Variants in KLF12 observed in about 807,000 individuals in gnomAD.
The protein encoded by KLF12 is KLF transcription factor 12, also known as Krueppel-like factor 12.
KLF12 carries 9 observed loss-of-function variants against 37.8 expected under a neutral mutation model. The observed-to-expected ratio is 0.24, with a 90% CI of 0.14 to 0.42. The LOEUF (loss-of-function observed/expected upper bound fraction) is 0.42, where lower values mean the gene tolerates loss of function less well. KLF12 is among the 10% of genes least tolerant of loss of function. The pLI, the probability that KLF12 is intolerant of heterozygous loss-of-function variation, is 1.00. For missense variants in KLF12, 411 were observed against 516.0 expected, an observed-to-expected ratio of 0.80 and a Z score of 1.97; for synonymous variants, 208 against 202.1, an observed-to-expected ratio of 1.03 and a Z score of -0.25.
chr13:74,005,470 G>C (rs1007734403), intron 1 of KLF12, among the ~76,000 whole-genome samples: 2 of 152,220 alleles, frequency 1.3e-5, no homozygotes, highest in African/African-American at 4.8e-5. Flanking sequence ...GCAGCGGTAT[G>C]CTGCACTTTG....
intron 4 of KLF12, among the ~76,000 whole-genome samples, chr13:73,837,992 C>T (rs747975817): frequency 1.1e-4 from 17 of 152,062 alleles, no homozygotes; most frequent in Non-Finnish European, 1.6e-4. Flanking sequence ...GTGACATGAA[C>T]GAAATCTCTA....
At chr13:74,152,886 A>ATAATAG in the KLF12 span, among the ~76,000 whole-genome samples, 7 of 1,228 alleles carry the variant, frequency 5.7e-3, no homozygotes, top group African/African-American at 6.7e-3. Flanking sequence ...CCCATTACAG[A>ATAATAG]TAATAATAAT....
intron 3 of KLF12, among the ~76,000 whole-genome samples, chr13:73,884,495 G>A (rs1020086120): frequency 2.0e-5 from 3 of 152,098 alleles, no homozygotes; most frequent in Non-Finnish European, 4.4e-5. Flanking sequence ...TGCCATCGAG[G>A]GCCCTGCTCT....
intron 6 of KLF12, among the ~76,000 whole-genome samples, chr13:73,742,317 T>G (rs1878059497): frequency 6.6e-6 from 1 of 152,202 alleles, no homozygotes; most frequent in African/African-American, 2.4e-5. Flanking sequence ...CTGAAATTAC[T>G]TCCTAGTTTT....
the KLF12 span, among the ~76,000 whole-genome samples, chr13:74,291,338 AAATGTTCTGGTCAGCATGAG>A: frequency 6.6e-6 from 1 of 152,326 alleles, no homozygotes; most frequent in Non-Finnish European, 1.5e-5. Context: ...ACATTCAAAT[AAATGTTCTGGTCAGCATGAG>A]ATGCAAGTGT....
chr13:73,770,383 T>C (rs1348057573), intron 5 of KLF12, among the ~76,000 whole-genome samples: 1 of 152,218 alleles, frequency 6.6e-6, no homozygotes, highest in Non-Finnish European at 1.5e-5. Flanking sequence ...AGGCCAGTGA[T>C]TAAATGACTA....
At chr13:74,213,165 TAC>T in the KLF12 span, among the ~76,000 whole-genome samples, 4 of 152,240 alleles carry the variant, frequency 2.6e-5, no homozygotes, top group East Asian at 3.9e-4. Context: ...GTAGTATGTA[TAC>T]ACACACACAT....
At chr13:74,137,364 T>C (rs1300157212), upstream of KLF12, among the ~76,000 whole-genome samples, 1 of 152,224 alleles carries the variant, frequency 6.6e-6, no homozygotes, top group Non-Finnish European at 1.5e-5. Context: ...CAATCCTGTT[T>C]AAAACCAAGA....
chr13:73,837,825 A>G (rs1884519940), intron 4 of KLF12, among the ~76,000 whole-genome samples: 1 of 152,212 alleles, frequency 6.6e-6, no homozygotes, highest in Non-Finnish European at 1.5e-5. Flanking sequence ...TTAAGAGTAA[A>G]CAGAATCAAT....
At chr13:74,060,261 T>C (rs113500001) in intron 1 of KLF12, among the ~76,000 whole-genome samples, 173 of 152,314 alleles carry the variant, frequency 1.1e-3, no homozygotes, top group Middle Eastern at 3.4e-3. Flanking sequence ...TGTTTTCATA[T>C]AAACTTAAGG....
chr13:73,956,686 C>T (rs1890843857), intron 2 of KLF12, among the ~76,000 whole-genome samples: 1 of 151,946 alleles, frequency 6.6e-6, no homozygotes, highest in South Asian at 2.1e-4. Flanking sequence ...CTTGGGAGGC[C>T]AAGGCAGGAG....
chr13:74,095,099 C>T lies in KLF12; in HGVS notation c.-32+38640G>A, dbSNP rs150615932. On this transcript the variant is annotated intron_variant, in intron 1 of 7. Coordinates refer to ENST00000377669, the MANE Select transcript of KLF12 (RefSeq NM_007249.5). ...TAATAAAGATTTCTGAGTTTTGATA[C>T]AATAAAGTCTGCATTTTATGGACTC... Among the ~76,000 whole-genome samples, 693 of 152,200 alleles carry T rather than the reference C, an allele frequency of 4.6e-3. 4 individuals carry two copies. Among genetic ancestry groups the T allele is most frequent in the African/African-American group, 0.016 (663 of 41,548 alleles).
At chr13:73,732,627 G>A (rs1877150811) in intron 6 of KLF12, among the ~76,000 whole-genome samples, 1 of 152,072 alleles carries the variant, frequency 6.6e-6, no homozygotes, top group African/African-American at 2.4e-5. Flanking sequence ...AATGTTGGAG[G>A]TTCCCTGAGC....
At position 74,125,021 on chromosome 13, in the gene KLF12, C is replaced by T. The variant is rs1294506749; in HGVS notation, c.-32+8718G>A. 4.0e-5 allele frequency among the ~76,000 whole-genome samples: 6 copies of T among 151,804 alleles called. No individual in the cohort carries two copies. In the South Asian group the frequency reaches 1.2e-3, roughly 32 times the overall value. ...ATCAGCTGGTCATGGTGGCACACAC[C>T]TGAGTCCCACCTACTCGGAAGGCTG... On this transcript the variant is annotated intron_variant, in intron 1 of 7. Transcript: ENST00000377669.
chr13:73,771,566 A>C (rs190301724), intron 5 of KLF12, among the ~76,000 whole-genome samples: 94 of 152,304 alleles, frequency 6.2e-4, no homozygotes, highest in African/African-American at 2.0e-3. Context: ...TTTACTGAAA[A>C]CCTCCAGAGC....
chr13:73,884,265 A>G (rs1004672310), intron 3 of KLF12, among the ~76,000 whole-genome samples: 3 of 152,164 alleles, frequency 2.0e-5, no homozygotes, highest in Non-Finnish European at 4.4e-5. Flanking sequence ...GCTGAAGGAC[A>G]TATCAATACC....
intron 3 of KLF12, among the ~76,000 whole-genome samples, chr13:73,868,740 A>T (rs1172974105): frequency 6.6e-6 from 1 of 152,212 alleles, no homozygotes; most frequent in Non-Finnish European, 1.5e-5. Context: ...AAATTTTTAA[A>T]TTCTAAAAAA....
At chr13:74,067,366 T>C (rs1490640856) in intron 1 of KLF12, among the ~76,000 whole-genome samples, 1 of 152,174 alleles carries the variant, frequency 6.6e-6, no homozygotes, top group Non-Finnish European at 1.5e-5. Context: ...AATCAAACAA[T>C]TACCAACTTA....
At chr13:74,229,525 CCTGTCAGA>C in the KLF12 span, among the ~76,000 whole-genome samples, 1 of 152,080 alleles carries the variant, frequency 6.6e-6, no homozygotes, top group Admixed American at 6.6e-5. Context: ...AGTTTTTATT[CCTGTCAGA>C]CTTGAAAGGG....
Sources: gnomAD v4.1 joint callset for allele counts (sites outside exome capture counted in the v4.1 genomes callset) on GRCh38, gnomAD v4.1.1 for gene constraint, MANE v1.5 for transcripts, NCBI Gene and HGNC (gene_info 2026-07-23, HGNC 2026-07-21) for gene names.